CA13: variants seen among roughly 807,000 people sequenced by gnomAD.
The protein encoded by CA13 is carbonic anhydrase 13, also known as CA-XIII.
CA13 carries 21 observed loss-of-function variants against 31.5 expected under a neutral mutation model. The observed-to-expected ratio is 0.67, with a 90% confidence interval of 0.47 to 0.96. The LOEUF (loss-of-function observed/expected upper bound fraction) is 0.96, where lower values mean the gene tolerates loss of function less well. Ranked by LOEUF, CA13 falls within the 40% of genes least tolerant of loss-of-function variation. CA13 has a pLI of 0.00. For missense variants in CA13, 315 were observed against 318.9 expected (o/e 0.99, Z 0.09); for synonymous variants, 117 against 111.4 (o/e 1.05, Z -0.32).
intron 2 of CA13, among the ~76,000 whole-genome samples, chr8:85,254,551 T>C (rs1807255424): frequency 6.6e-6 from 1 of 152,120 alleles, no homozygotes. Flanking sequence ...GTGTGCTCTT[T>C]CTTTTAAATG....
At chr8:85,250,960 G>T in intron 2 of CA13, 23 bp downstream of exon 2, 2 of 1,561,052 alleles carry the variant, frequency 1.3e-6, no homozygotes, top group Non-Finnish European at 1.8e-6. Flanking sequence ...TTTTTTGTGT[G>T]TGTGGTGGTG....
rs1350275174 is a variant in CA13 at position 85,280,262 on chromosome 8, C to T, written c.670-968C>T. Reference sequence around the variant, plus strand: ...GCCATTGCACTCTAGCCTGGTGACACAGCAAGACTCTGTCTCAAAAAACAA... The same window carrying T: ...GCCATTGCACTCTAGCCTGGTGACATAGCAAGACTCTGTCTCAAAAAACAA... On this transcript the variant is annotated intron_variant, in intron 6 of 6. Coordinates refer to ENST00000321764, the MANE Select transcript of CA13 (RefSeq NM_198584.3). Among the ~76,000 whole-genome samples the T allele has an allele frequency of 9.2e-5, 14 of 152,170 alleles. 1 individual carries two copies. The highest frequency in any genetic ancestry group is 6.5e-5 in the Admixed American group (1 of 15,270).
intron 6 of CA13, among the ~76,000 whole-genome samples, chr8:85,273,027 A>T (rs1040305796): frequency 6.6e-6 from 1 of 152,198 alleles, no homozygotes; most frequent in African/African-American, 2.4e-5. Flanking sequence ...CATGTTAGCC[A>T]GGCTGGTCTC....
chr8:85,246,974 GA>G (rs959786913), intron 1 of CA13, among the ~76,000 whole-genome samples: 1 of 152,098 alleles, frequency 6.6e-6, no homozygotes, highest in African/African-American at 2.4e-5. Context: ...CAAACTAACA[GA>G]AAAATTCTAT....
chr8:85,266,939 A>G (rs1361488074), intron 4 of CA13, among the ~76,000 whole-genome samples: 1 of 152,236 alleles, frequency 6.6e-6, no homozygotes, highest in African/African-American at 2.4e-5. Context: ...AACATCAAGA[A>G]TAGTAGCAGA....
intron 6 of CA13, among the ~76,000 whole-genome samples, chr8:85,275,862 G>A (rs73688700): frequency 2.0e-5 from 3 of 152,184 alleles, no homozygotes; most frequent in African/African-American, 4.8e-5. Flanking sequence ...TTTTTCCTCC[G>A]TAGTGGAAAG....
At chr8:85,268,399 T>C in intron 5 of CA13, 73 bp from the exon 6 acceptor site, 1 of 1,265,388 alleles carries the variant, frequency 7.9e-7, no homozygotes, top group Middle Eastern at 1.9e-4. Flanking sequence ...TGGAAGTACA[T>C]GGATGTATGT....
At chr8:85,250,070 A>G (rs550005821) in intron 1 of CA13, among the ~76,000 whole-genome samples, 11 of 152,350 alleles carry the variant, frequency 7.2e-5, no homozygotes, top group Non-Finnish European at 1.5e-4. Flanking sequence ...TCTGAAATGA[A>G]GAAAGAGAGA....
At chr8:85,265,416 C>T (rs1027356040) in intron 3 of CA13, among the ~76,000 whole-genome samples, 5 of 152,304 alleles carry the variant, frequency 3.3e-5, no homozygotes, top group South Asian at 4.1e-4. Context: ...TGGGTGTGTT[C>T]GAGATACCGT....
Position 85,259,422 on chromosome 8 carries a change from T to A in CA13, c.237T>A (p.Val79=), listed in dbSNP as rs938798220. ...AATATAAAACATGTTGTTGTTTAGTTCTGCGTGGTGGTCCTCTCACTGGAA... is the reference window on the plus strand; with the variant it reads ...AATATAAAACATGTTGTTGTTTAGTACTGCGTGGTGGTCCTCTCACTGGAA... The part of the protein sequence containing the change: ...VDFDDTENKS[V]LRGGPLTGSY... Residue 79 remains valine (V), a splice_region_variant and synonymous_variant, in exon 3 of 7, where the codon GTT becomes GTA. Coordinates refer to ENST00000321764, the MANE Select transcript of CA13 (RefSeq NM_198584.3). 1.9e-6 allele frequency: 3 copies of A among 1,613,042 alleles called. No homozygotes were observed. In the African/African-American group the frequency reaches 4.0e-5, roughly 22 times the overall value.
At position 85,281,540 on chromosome 8, in the gene CA13, TCTCA is replaced by T. The variant is rs1210845180; in HGVS notation, c.*195_*198del. 8.0e-7 allele frequency: 1 copy of T among 1,256,882 alleles called. No homozygotes were observed. The highest frequency in any genetic ancestry group is 1.0e-6 in the Non-Finnish European group (1 of 985,960). 77.9% of individuals were successfully genotyped at this position (1,256,882 alleles called of 1,614,324 possible). On this transcript the variant is annotated 3_prime_UTR_variant, in exon 7 of 7. Coordinates refer to ENST00000321764, the MANE Select transcript of CA13 (RefSeq NM_198584.3). ...TTTTTTATTTTTTTTAGTGATAGAGTCTCACTCTGTCACCCAGGCTGGAGGGCAG... is the reference window on the plus strand; with the variant it reads ...TTTTTTATTTTTTTTAGTGATAGAGTCTCTGTCACCCAGGCTGGAGGGCAG...
At chr8:85,259,751 G>T (rs1214987777) in intron 3 of CA13, among the ~76,000 whole-genome samples, 1 of 152,172 alleles carries the variant, frequency 6.6e-6, no homozygotes, top group East Asian at 1.9e-4. Flanking sequence ...AGAGCTTAGG[G>T]TTATATGTTC....
At chr8:85,266,130 G>T (rs1257614659) in intron 3 of CA13, among the ~76,000 whole-genome samples, 1 of 152,198 alleles carries the variant, frequency 6.6e-6, no homozygotes, top group Non-Finnish European at 1.5e-5. Context: ...AGTTACTTGG[G>T]AGCAATAGCT....
chr8:85,274,029 C>A (rs1057197412), intron 6 of CA13, among the ~76,000 whole-genome samples: 1 of 151,948 alleles, frequency 6.6e-6, no homozygotes, highest in Admixed American at 6.5e-5. Context: ...GTCTTCCGGC[C>A]AGCTCTCTTC....
intron 1 of CA13, 37 bp from the exon 2 acceptor site, chr8:85,250,703 T>G (rs1193421038): frequency 2.2e-6 from 3 of 1,345,258 alleles, no homozygotes; most frequent in Non-Finnish European, 3.2e-6. Context: ...AAGAAAGAAC[T>G]TATTTAATCC....
At position 85,245,672 on chromosome 8, in the gene CA13, C is replaced by G. The variant is rs1234472152; in HGVS notation, c.-157C>G. On this transcript the variant is annotated 5_prime_UTR_variant, in exon 1 of 7. Coordinates refer to ENST00000321764, the MANE Select transcript of CA13 (RefSeq NM_198584.3). ...GCACGCCTCTGCCGTCTGGAGGACG[C>G]AGGCGGGAGCGCCCCGGACCGGGTT... 1.3e-6 allele frequency: 1 copy of G among 777,820 alleles called. No individual in the cohort carries two copies. The highest frequency in any genetic ancestry group is 2.1e-6 in the Non-Finnish European group (1 of 469,050). The allele number at this position is 777,820 out of a possible 1,614,324, so 48.2% of individuals were successfully genotyped here.
chr8:85,268,341 TTACA>T, intron 5 of CA13, 127 bp from the exon 6 acceptor site: 3 of 793,460 alleles, frequency 3.8e-6, no homozygotes, highest in Non-Finnish European at 6.0e-6. Flanking sequence ...AAGGAAGATA[TTACA>T]TAATTCTAGA....
intron 2 of CA13, among the ~76,000 whole-genome samples, chr8:85,252,766 ATAGT>A (rs1587533791): frequency 6.6e-6 from 1 of 152,192 alleles, no homozygotes; most frequent in Non-Finnish European, 1.5e-5. Context: ...ATGAAAAAAT[ATAGT>A]TAATTTTTAA....
At chr8:85,265,522 C>T (rs1404270472) in intron 3 of CA13, among the ~76,000 whole-genome samples, 2 of 152,066 alleles carry the variant, frequency 1.3e-5, no homozygotes, top group Admixed American at 6.6e-5. Context: ...GTCTGTTTTC[C>T]AGAGTTCCAG....
Sources: allele counts gnomAD v4.1 joint callset (sites outside exome capture counted in the v4.1 genomes callset), GRCh38; gene constraint gnomAD v4.1.1; transcripts MANE v1.5; gene names NCBI Gene and HGNC (gene_info 2026-07-23, HGNC 2026-07-21).